The following C12orf42 variants were observed in gnomAD, a reference collection of about 807,000 sequenced individuals.
C12orf42 encodes chromosome 12 open reading frame 42.
A neutral mutation model predicts 21.6 loss-of-function variants in C12orf42; 25 were observed. That is an observed-to-expected ratio of 1.16 (90% confidence interval 0.84 to 1.62). C12orf42 has a LOEUF of 1.62. C12orf42 is among the 40% of genes most tolerant of loss of function. The pLI is 0.00. For synonymous variants in C12orf42, 174 were observed against 175.0 expected, an observed-to-expected ratio of 0.99 and a Z score of 0.05; for missense variants, 483 against 459.3, an observed-to-expected ratio of 1.05 and a Z score of -0.47.
chr12:103,537,138 G>A, the C12orf42 span, among the ~76,000 whole-genome samples: 2 of 152,020 alleles, frequency 1.3e-5, no homozygotes, highest in Non-Finnish European at 2.9e-5. Flanking sequence ...ATTTCATTTT[G>A]TTAGAAATAA....
chr12:103,131,082 A>G, the C12orf42 span, among the ~76,000 whole-genome samples: 16 of 152,208 alleles, frequency 1.1e-4, no homozygotes, highest in Non-Finnish European at 5.9e-5. Flanking sequence ...CCAGCTGCCT[A>G]CATGGGTACC....
At chr12:103,208,897 A>G in the C12orf42 span, among the ~76,000 whole-genome samples, 4 of 152,168 alleles carry the variant, frequency 2.6e-5, no homozygotes, top group African/African-American at 9.7e-5. Context: ...AGAAAGACTT[A>G]TCCTCATGAA....
chr12:103,450,967 A>T (rs1211463072), intron 2 of C12orf42, among the ~76,000 whole-genome samples: 1 of 152,056 alleles, frequency 6.6e-6, no homozygotes, highest in East Asian at 1.9e-4. Context: ...CCTTTTATAC[A>T]TCTGATTCCA....
chr12:103,483,432 G>C (rs1055245504), intron 1 of C12orf42, among the ~76,000 whole-genome samples: 1 of 152,120 alleles, frequency 6.6e-6, no homozygotes, highest in Non-Finnish European at 1.5e-5. Context: ...CAGTTTCCCA[G>C]AAAGGATCCA....
chr12:103,507,275 A>ATATAATATATAAATATATAATATATATAT, the C12orf42 span, among the ~76,000 whole-genome samples: 2 of 37,484 alleles, frequency 5.3e-5, no homozygotes, highest in African/African-American at 6.8e-4. Context: ...TATATATATT[A>ATATAATATATAAATATATAATATATATAT]TATATATTTT....
the C12orf42 span, among the ~76,000 whole-genome samples, chr12:103,111,964 T>C: frequency 1.3e-5 from 2 of 152,344 alleles, no homozygotes; most frequent in East Asian, 1.9e-4. Flanking sequence ...TGACATTCCA[T>C]GGAAGGATTT....
downstream of C12orf42, among the ~76,000 whole-genome samples, chr12:103,297,591 C>G (rs1387191134): frequency 3.3e-5 from 5 of 152,058 alleles, no homozygotes; most frequent in Admixed American, 3.3e-4. Context: ...GGAATCCTCC[C>G]TAATTCATTT....
the C12orf42 span, among the ~76,000 whole-genome samples, chr12:103,189,858 C>T: frequency 6.6e-6 from 1 of 152,146 alleles, no homozygotes; most frequent in Non-Finnish European, 1.5e-5. Flanking sequence ...AATATTTGGC[C>T]AGACTGAGTT....
intron 1 of C12orf42, among the ~76,000 whole-genome samples, chr12:103,493,746 A>C (rs1304434703): frequency 6.6e-6 from 1 of 150,850 alleles, no homozygotes; most frequent in Non-Finnish European, 1.5e-5. Flanking sequence ...AAAACCTTAG[A>C]GATAAGAAAA....
At chr12:103,550,522 C>A in the C12orf42 span, 1 of 152,086 alleles carries the variant, frequency 6.6e-6, no homozygotes, top group Non-Finnish European at 1.5e-5. Flanking sequence ...TTCTTCATTT[C>A]ATTGAGATTC....
At chr12:103,086,578 A>C in the C12orf42 span, among the ~76,000 whole-genome samples, 82 of 150,906 alleles carry the variant, frequency 5.4e-4, no homozygotes, top group Non-Finnish European at 9.4e-4. Flanking sequence ...GTTTTGAGGG[A>C]TTGACTAAAT....
intron 3 of C12orf42, among the ~76,000 whole-genome samples, chr12:103,382,005 A>G (rs1373107605): frequency 6.6e-6 from 1 of 152,180 alleles, no homozygotes; most frequent in Non-Finnish European, 1.5e-5. Context: ...TTGATTGGAT[A>G]GTTATGACAA....
At chr12:103,560,320 A>T in the C12orf42 span, among the ~76,000 whole-genome samples, 4 of 152,294 alleles carry the variant, frequency 2.6e-5, no homozygotes, top group Admixed American at 2.6e-4. Flanking sequence ...AAGGGAAATG[A>T]GGCTTGAAGC....
chr12:103,395,587 G>A lies in C12orf42; in HGVS notation c.147+6020C>T, dbSNP rs147627756. Among the ~76,000 whole-genome samples, 968 of 152,068 alleles carry A rather than the reference G, an allele frequency of 6.4e-3. 12 individuals carry two copies. Among genetic ancestry groups the A allele is most frequent in the African/African-American group, 0.022 (914 of 41,492 alleles). ...CCTGACCGAGCGATCTGCCCGCCTCGGCCTCCCAAAGAGCTGGGATTACAG... is the reference window on the plus strand; with the variant it reads ...CCTGACCGAGCGATCTGCCCGCCTCAGCCTCCCAAAGAGCTGGGATTACAG... On this transcript the variant is annotated intron_variant, in intron 3 of 5. Transcript: ENST00000548883.
chr12:103,152,810 G>T, the C12orf42 span, among the ~76,000 whole-genome samples: 1 of 151,908 alleles, frequency 6.6e-6, no homozygotes, highest in Non-Finnish European at 1.5e-5. Flanking sequence ...AAATGTGTAA[G>T]ACTTTTATAC....
the C12orf42 span, among the ~76,000 whole-genome samples, chr12:103,148,755 T>A: frequency 3.3e-5 from 5 of 152,330 alleles, no homozygotes; most frequent in Middle Eastern, 3.4e-3. Context: ...ATTTACTTAA[T>A]CCATGTGGAA....
the C12orf42 span, among the ~76,000 whole-genome samples, chr12:103,115,271 C>T: frequency 1.3e-5 from 2 of 152,098 alleles, no homozygotes; most frequent in African/African-American, 4.8e-5. Context: ...TTATTGCGAC[C>T]ATAAAATAAC....
chr12:103,179,416 G>A, the C12orf42 span, among the ~76,000 whole-genome samples: 1 of 152,148 alleles, frequency 6.6e-6, no homozygotes, highest in South Asian at 2.1e-4. Flanking sequence ...TGAAGAATAT[G>A]GAGGAATAAA....
At chr12:103,071,869 A>T in the C12orf42 span, among the ~76,000 whole-genome samples, 2 of 152,142 alleles carry the variant, frequency 1.3e-5, no homozygotes, top group African/African-American at 2.4e-5. Flanking sequence ...GACCAAAAAT[A>T]GGATAATTAG....
Sources: allele counts gnomAD v4.1 joint callset (sites outside exome capture counted in the v4.1 genomes callset), GRCh38; gene constraint gnomAD v4.1.1; transcripts MANE v1.5; gene names NCBI Gene and HGNC (gene_info 2026-07-23, HGNC 2026-07-21).